The following TECRL variants were observed in gnomAD, a reference collection of about 807,000 sequenced individuals.
TECRL encodes trans-2,3-enoyl-CoA reductase like, also known as trans-2,3-enoyl-CoA reductase-like.
A neutral mutation model predicts 52.8 loss-of-function variants in TECRL; 63 were observed. That is an observed-to-expected ratio of 1.19 (90% CI 0.97 to 1.47). TECRL has a LOEUF of 1.47. Ranked by LOEUF, TECRL falls within the 40% of genes most tolerant of loss-of-function variation. TECRL has a pLI of 0.00. For missense variants in TECRL, 482 were observed against 429.6 expected (o/e 1.12, Z -1.08); for synonymous variants, 164 against 141.9 (o/e 1.16, Z -1.10).
At chr4:64,287,381 A>C (rs772850596) in intron 9 of TECRL, among the ~76,000 whole-genome samples, 2 of 152,202 alleles carry the variant, frequency 1.3e-5, no homozygotes, top group Non-Finnish European at 2.9e-5. Flanking sequence ...TTTACAGAAC[A>C]ACTATTCTGG....
Position 64,309,853 on chromosome 4 carries a change from T to C in TECRL, c.630A>G (p.Gly210=). 2 of 1,611,534 alleles carry C rather than the reference T, an allele frequency of 1.2e-6. No homozygotes were observed. The highest frequency in any genetic ancestry group is 1.7e-6 in the Non-Finnish European group (2 of 1,177,968). The change falls in exon 6 of 12, where the codon GGA becomes GGG. Residue 210 remains glycine, a synonymous_variant. Coordinates refer to ENST00000381210, the MANE Select transcript of TECRL (RefSeq NM_001010874.5). ...ETLFVHKVSA[G]HTPLKNLIMS... ...TTATCAAATTTTTCAAAGGTGTGTG[T>C]CCTGCAGAAACTTTGTGAACAAATA...
chr4:64,408,943 ATCT>A (rs1370265068), intron 1 of TECRL, among the ~76,000 whole-genome samples, 172 bp downstream of exon 1: 1 of 152,156 alleles, frequency 6.6e-6, no homozygotes, highest in Admixed American at 6.6e-5. Flanking sequence ...TGCATTGAAC[ATCT>A]TCTATTAAAA....
chr4:64,341,454 G>T (rs1392681119), intron 2 of TECRL, among the ~76,000 whole-genome samples: 2 of 152,048 alleles, frequency 1.3e-5, no homozygotes, highest in Non-Finnish European at 2.9e-5. Context: ...ACAAAAATTA[G>T]CTGGGGGTGG....
chr4:64,338,501 C>G (rs1719296690), intron 2 of TECRL, among the ~76,000 whole-genome samples: 1 of 152,112 alleles, frequency 6.6e-6, no homozygotes, highest in Non-Finnish European at 1.5e-5. Flanking sequence ...CGGCAACCTA[C>G]AGAATGGGAG....
At chr4:64,331,855 T>C (rs1718662464) in intron 2 of TECRL, among the ~76,000 whole-genome samples, 1 of 151,836 alleles carries the variant, frequency 6.6e-6, no homozygotes, top group Admixed American at 6.6e-5. Context: ...GAAAGATAGA[T>C]TAAAAGAAAT....
chr4:64,374,181 T>C (rs1722209675), intron 2 of TECRL, among the ~76,000 whole-genome samples: 1 of 149,586 alleles, frequency 6.7e-6, no homozygotes, highest in Non-Finnish European at 1.5e-5. Flanking sequence ...AAATAAAAAA[T>C]ATCACCTTCC....
intron 2 of TECRL, among the ~76,000 whole-genome samples, chr4:64,349,135 G>GT (rs773341193): frequency 0.026 from 801 of 30,826 alleles, 7 homozygotes; most frequent in Admixed American, 0.067. Context: ...TATAAAAAAC[G>GT]TTTTTTTTTT....
intron 5 of TECRL, among the ~76,000 whole-genome samples, chr4:64,311,904 C>T (rs775217694): frequency 2.6e-5 from 4 of 152,052 alleles, no homozygotes; most frequent in Non-Finnish European, 5.9e-5. Flanking sequence ...GAGGGCACAG[C>T]ACAGAAAAGC....
At chr4:64,367,916 A>G (rs951661409) in intron 2 of TECRL, among the ~76,000 whole-genome samples, 2 of 152,070 alleles carry the variant, frequency 1.3e-5, no homozygotes, top group African/African-American at 2.4e-5. Flanking sequence ...AAGGGAGTTC[A>G]TAATTTAGTT....
intron 8 of TECRL, among the ~76,000 whole-genome samples, chr4:64,294,967 G>A (rs1295782292): frequency 6.6e-6 from 1 of 151,724 alleles, no homozygotes; most frequent in Non-Finnish European, 1.5e-5. Context: ...GACAATATAA[G>A]CCAGTATCAC....
At chr4:64,318,875 C>A (rs962971327) in intron 4 of TECRL, among the ~76,000 whole-genome samples, 1 of 151,674 alleles carries the variant, frequency 6.6e-6, no homozygotes, top group Non-Finnish European at 1.5e-5. Flanking sequence ...ATAACTAAAT[C>A]GCAGCAAAAA....
At chr4:64,285,173 T>C (rs1291486158) in intron 9 of TECRL, among the ~76,000 whole-genome samples, 9 of 152,072 alleles carry the variant, frequency 5.9e-5, no homozygotes, top group African/African-American at 2.2e-4. Flanking sequence ...TCTGAGAAAA[T>C]GGTCTTCACT....
intron 6 of TECRL, among the ~76,000 whole-genome samples, chr4:64,306,306 A>G (rs926619835): frequency 6.6e-6 from 1 of 152,006 alleles, no homozygotes; most frequent in Non-Finnish European, 1.5e-5. Flanking sequence ...GTTTCCCTTC[A>G]TGGAGCTCTA....
At chr4:64,406,434 G>A (rs1041866605) in intron 1 of TECRL, among the ~76,000 whole-genome samples, 3 of 151,562 alleles carry the variant, frequency 2.0e-5, no homozygotes, top group Admixed American at 1.3e-4. Flanking sequence ...ATATTAAGAA[G>A]TCAAATTTAA....
intron 7 of TECRL, among the ~76,000 whole-genome samples, chr4:64,301,604 C>T (rs988312229): frequency 6.6e-6 from 1 of 151,058 alleles, no homozygotes; most frequent in Non-Finnish European, 1.5e-5. Context: ...TTGATAAGTG[C>T]TACTATACAG....
chr4:64,365,799 A>G (rs1330891573), intron 2 of TECRL, among the ~76,000 whole-genome samples: 1 of 152,110 alleles, frequency 6.6e-6, no homozygotes, highest in Non-Finnish European at 1.5e-5. Flanking sequence ...AAATGGCCAT[A>G]CAGACCAAAG....
chr4:64,336,141 C>T (rs1382538720), intron 2 of TECRL, among the ~76,000 whole-genome samples: 3 of 152,108 alleles, frequency 2.0e-5, no homozygotes, highest in Non-Finnish European at 4.4e-5. Flanking sequence ...CCGTCTGGTC[C>T]TGGACTTTTT....
At position 64,278,136 on chromosome 4, in the gene TECRL, T is replaced by G. The variant is rs1410912053; in HGVS notation, c.*1936A>C. On this transcript the variant is annotated 3_prime_UTR_variant, in exon 12 of 12. Coordinates refer to ENST00000381210, the MANE Select transcript of TECRL (RefSeq NM_001010874.5). ...TATTTCAGAAGATGTATAAATATAA[T>G]TTACATACAAATATAATCTATATAT... The G allele has an allele frequency of 1.3e-5, 2 of 151,214 alleles. No homozygotes were observed. The highest frequency in any genetic ancestry group is 3.0e-5 in the Non-Finnish European group (2 of 67,706). 9.4% of individuals were successfully genotyped at this position (151,214 alleles called of 1,614,324 possible).
Position 64,409,244 on chromosome 4 carries a change from C to T in TECRL, c.108G>A (p.Leu36=), listed in dbSNP as rs775662506. Residue 36 remains leucine, a synonymous_variant, in exon 1 of 12, where the codon TTG becomes TTA. Coordinates refer to ENST00000381210, the MANE Select transcript of TECRL (RefSeq NM_001010874.5). Reference sequence around the variant, plus strand: ...GGCCCGCTGAGAGTACAAGTTTTGACAAAAAGTGAAAATTTCTCATATCAT... The same window carrying T: ...GGCCCGCTGAGAGTACAAGTTTTGATAAAAAGTGAAAATTTCTCATATCAT... ...LKDDMRNFHF[L]SKLVLSAGPL... is the part of the protein sequence containing the mutation. The T allele has an allele frequency of 1.4e-5, 22 of 1,609,926 alleles. No homozygotes were observed. Among genetic ancestry groups the T allele is most frequent in the African/African-American group, 9.4e-5 (7 of 74,708 alleles).
Sources: gnomAD v4.1 joint callset for allele counts (sites outside exome capture counted in the v4.1 genomes callset) on GRCh38, gnomAD v4.1.1 for gene constraint, MANE v1.5 for transcripts, NCBI Gene and HGNC (gene_info 2026-07-23, HGNC 2026-07-21) for gene names.